Variants in TMEM117 observed in about 807,000 individuals in gnomAD.
TMEM117 encodes the protein transmembrane protein 117.
Under a neutral mutation model 52.4 loss-of-function variants are expected in TMEM117, and 27 were observed. The ratio of observed to expected loss-of-function variants is 0.51; its 90% confidence interval spans 0.38 to 0.71. The LOEUF (loss-of-function observed/expected upper bound fraction) is 0.71. Ranked by LOEUF, TMEM117 falls within the 30% of genes least tolerant of loss-of-function variation. TMEM117 has a pLI of 0.00. For synonymous variants in TMEM117, 215 were observed against 206.3 expected (o/e 1.04, Z -0.36); for missense variants, 556 against 630.5 (o/e 0.88, Z 1.26).
chr12:44,275,807 TGTG>T (rs1483379549), intron 5 of TMEM117, among the ~76,000 whole-genome samples: 2 of 151,346 alleles, frequency 1.3e-5, no homozygotes, highest in African/African-American at 2.4e-5. Flanking sequence ...TGGAAAGGCT[TGTG>T]GGGGCGGGGA....
At chr12:44,122,206 A>T (rs1013473020) in intron 3 of TMEM117, among the ~76,000 whole-genome samples, 1 of 151,486 alleles carries the variant, frequency 6.6e-6, no homozygotes, top group African/African-American at 2.4e-5. Flanking sequence ...CACCATGCCT[A>T]GCTAATTTTT....
At chr12:43,854,604 G>C (rs1943367187) in intron 2 of TMEM117, among the ~76,000 whole-genome samples, 1 of 151,812 alleles carries the variant, frequency 6.6e-6, no homozygotes, top group Non-Finnish European at 1.5e-5. Context: ...GCTTAGTCCA[G>C]GCACACTTTT....
intron 3 of TMEM117, among the ~76,000 whole-genome samples, chr12:44,122,040 TTTC>T (rs1948244488): frequency 7.0e-6 from 1 of 142,182 alleles, no homozygotes; most frequent in Admixed American, 6.7e-5. Context: ...ATTTCATTCT[TTTC>T]TTTTCTTTTT....
chr12:44,128,780 A>T lies in TMEM117; in HGVS notation c.411-14745A>T, dbSNP rs569556992. Among the ~76,000 whole-genome samples, 9 of 152,352 alleles carry T rather than the reference A, an allele frequency of 5.9e-5. No individual in the cohort carries two copies. In the South Asian group the frequency reaches 1.9e-3, roughly 32 times the overall value. On this transcript the variant is annotated intron_variant, in intron 3 of 7. Coordinates refer to ENST00000266534, the MANE Select transcript of TMEM117 (RefSeq NM_032256.3). ...AGCTGATTGTGTAGAAATATCTGGC[A>T]TCATATATTGGTGGCATGAATGCTT...
intron 4 of TMEM117, among the ~76,000 whole-genome samples, chr12:44,207,565 A>G (rs1319780259): frequency 6.6e-6 from 1 of 152,094 alleles, no homozygotes; most frequent in African/African-American, 2.4e-5. Flanking sequence ...ATCATTTTCT[A>G]ATAGTTCAGT....
chr12:44,289,228 TGTGTGTG>T (rs1950672764), intron 5 of TMEM117, among the ~76,000 whole-genome samples: 11 of 18,682 alleles, frequency 5.9e-4, no homozygotes, highest in African/African-American at 3.7e-3. Flanking sequence ...TCCCATTTTG[TGTGTGTG>T]TGTGTGTGTG....
At chr12:43,802,602 G>T in the TMEM117 span, 1 of 645,232 alleles carries the variant, frequency 1.5e-6, no homozygotes, top group Non-Finnish European at 2.6e-6. Context: ...AGAAAAATGT[G>T]GTAACATAGA....
At chr12:44,056,307 A>G (rs1264229862) in intron 3 of TMEM117, among the ~76,000 whole-genome samples, 2 of 152,098 alleles carry the variant, frequency 1.3e-5, no homozygotes, top group Non-Finnish European at 2.9e-5. Context: ...TGTGCCACTG[A>G]TGTTCTTCCC....
chr12:44,286,308 T>TTA (rs974518581), intron 5 of TMEM117, among the ~76,000 whole-genome samples: 1 of 150,564 alleles, frequency 6.6e-6, no homozygotes, highest in Non-Finnish European at 1.5e-5. Flanking sequence ...TAAAACAGTT[T>TTA]TATATATATA....
At chr12:43,857,729 CT>C (rs1324518778) in intron 2 of TMEM117, among the ~76,000 whole-genome samples, 1 of 152,164 alleles carries the variant, frequency 6.6e-6, no homozygotes, top group Non-Finnish European at 1.5e-5. Context: ...GAATTTTCCC[CT>C]GATTTATTTC....
intron 3 of TMEM117, among the ~76,000 whole-genome samples, chr12:43,986,381 T>A (rs1945847233): frequency 6.6e-6 from 1 of 152,166 alleles, no homozygotes; most frequent in Non-Finnish European, 1.5e-5. Flanking sequence ...TAAATGATAG[T>A]ATAACTGGAT....
At chr12:44,108,452 G>A (rs1255606456) in intron 3 of TMEM117, among the ~76,000 whole-genome samples, 4 of 93,826 alleles carry the variant, frequency 4.3e-5, no homozygotes, top group Non-Finnish European at 8.2e-5. Context: ...GAGAATATGC[G>A]GTGTTTGGTT....
At chr12:43,948,102 T>C (rs1945162515) in intron 3 of TMEM117, among the ~76,000 whole-genome samples, 1 of 152,088 alleles carries the variant, frequency 6.6e-6, no homozygotes, top group Non-Finnish European at 1.5e-5. Flanking sequence ...CTAACTCTTA[T>C]GGCTTTAGAC....
chr12:44,114,240 A>C (rs998189210), intron 3 of TMEM117, among the ~76,000 whole-genome samples: 1 of 152,172 alleles, frequency 6.6e-6, no homozygotes, highest in Non-Finnish European at 1.5e-5. Flanking sequence ...CCTCCGTACC[A>C]AATTTAAATA....
downstream of TMEM117, among the ~76,000 whole-genome samples, chr12:44,394,053 G>A (rs1952171754): frequency 6.6e-6 from 1 of 152,156 alleles, no homozygotes; most frequent in South Asian, 2.1e-4. Flanking sequence ...AAAAAGATTA[G>A]CTAATGGCCA....
chr12:43,806,365 C>T, the TMEM117 span: 7 of 1,231,630 alleles, frequency 5.7e-6, no homozygotes, highest in East Asian at 1.8e-4. Context: ...CGACCCGCGG[C>T]CGCCCCGCCC....
chr12:43,951,600 T>C (rs1945223401), intron 3 of TMEM117, among the ~76,000 whole-genome samples: 1 of 152,144 alleles, frequency 6.6e-6, no homozygotes. Flanking sequence ...CTGTAGAAAG[T>C]CCACCAGCTC....
intron 5 of TMEM117, among the ~76,000 whole-genome samples, chr12:44,273,047 A>G (rs1950466719): frequency 6.6e-6 from 1 of 152,218 alleles, no homozygotes; most frequent in South Asian, 2.1e-4. Flanking sequence ...AGCCATAAAA[A>G]ATGATGAGTT....
intron 3 of TMEM117, among the ~76,000 whole-genome samples, chr12:44,071,628 G>A (rs1405226008): frequency 2.0e-5 from 3 of 152,126 alleles, no homozygotes; most frequent in African/African-American, 7.2e-5. Flanking sequence ...ATCTAGTTGT[G>A]TTCTGCTTAT....
Sources: gnomAD v4.1 joint callset for allele counts (sites outside exome capture counted in the v4.1 genomes callset) on GRCh38, gnomAD v4.1.1 for gene constraint, MANE v1.5 for transcripts, NCBI Gene and HGNC (gene_info 2026-07-23, HGNC 2026-07-21) for gene names.